Variants in KCND2 observed in about 807,000 individuals in gnomAD.
The protein encoded by KCND2 is A-type voltage-gated potassium channel KCND2.
In KCND2, 16 loss-of-function variants were observed where a neutral mutation model predicts 54.4. The observed-to-expected ratio is 0.29, with a 90% CI of 0.20 to 0.45. The LOEUF is 0.45. Ranked by LOEUF, KCND2 falls within the 20% of genes least tolerant of loss-of-function variation. The probability of loss-of-function intolerance (pLI) is 1.00; values close to 1 mark genes in which losing one functional copy is unlikely to be tolerated. For synonymous variants in KCND2, 317 were observed against 310.7 expected (o/e 1.02, Z -0.21); for missense variants, 486 against 824.2 (o/e 0.59, Z 5.02).
At chr7:120,475,488 A>G (rs958139039) in intron 1 of KCND2, among the ~76,000 whole-genome samples, 1 of 151,998 alleles carries the variant, frequency 6.6e-6, no homozygotes, top group South Asian at 2.1e-4. Flanking sequence ...ACATCAAGGC[A>G]TTTTTTTTAT....
At chr7:120,334,285 A>G (rs1256303050) in intron 1 of KCND2, among the ~76,000 whole-genome samples, 2 of 152,226 alleles carry the variant, frequency 1.3e-5, no homozygotes, top group African/African-American at 2.4e-5. Flanking sequence ...GAGTGATTTT[A>G]CTTATGTACG....
chr7:120,295,891 C>G (rs1799507063), intron 1 of KCND2, among the ~76,000 whole-genome samples: 1 of 151,996 alleles, frequency 6.6e-6, no homozygotes, highest in Non-Finnish European at 1.5e-5. Context: ...ACCCCTCTAT[C>G]TACAGTCTTA....
At chr7:120,701,183 AC>A (rs1481420400) in intron 1 of KCND2, among the ~76,000 whole-genome samples, 1 of 142,758 alleles carries the variant, frequency 7.0e-6, no homozygotes, top group Non-Finnish European at 1.5e-5. Flanking sequence ...CAGAGCTTAG[AC>A]CCATGGTCAT....
At chr7:120,398,065 T>A (rs1801186375) in intron 1 of KCND2, among the ~76,000 whole-genome samples, 1 of 143,522 alleles carries the variant, frequency 7.0e-6, no homozygotes, top group Non-Finnish European at 1.5e-5. Flanking sequence ...CAAATATGTT[T>A]TAGTTAATTA....
intron 1 of KCND2, among the ~76,000 whole-genome samples, chr7:120,612,930 G>C (rs1792974273): frequency 6.6e-6 from 1 of 152,114 alleles, no homozygotes; most frequent in African/African-American, 2.4e-5. Context: ...CATTAATCAT[G>C]CTATAAATTT....
chr7:120,484,734 A>ACACAC (rs1802669027), intron 1 of KCND2, among the ~76,000 whole-genome samples: 2 of 144,970 alleles, frequency 1.4e-5, no homozygotes, highest in Non-Finnish European at 3.1e-5. Context: ...CACACACACA[A>ACACAC]AGAATTTCTT....
chr7:120,440,699 T>G (rs1009677030), intron 1 of KCND2, among the ~76,000 whole-genome samples: 9 of 152,032 alleles, frequency 5.9e-5, no homozygotes, highest in African/African-American at 1.9e-4. Context: ...TTCATTTATC[T>G]GTATGTGGAT....
chr7:120,706,733 TG>T (rs1792473580), intron 1 of KCND2, among the ~76,000 whole-genome samples: 1 of 152,200 alleles, frequency 6.6e-6, no homozygotes, highest in African/African-American at 2.4e-5. Flanking sequence ...GAAGGTTGAA[TG>T]TAGCACAAAT....
At chr7:120,574,721 G>T (rs1174647450) in intron 1 of KCND2, among the ~76,000 whole-genome samples, 1 of 151,970 alleles carries the variant, frequency 6.6e-6, no homozygotes, top group African/African-American at 2.4e-5. Flanking sequence ...TGTGCACCAA[G>T]GTTAAAACTC....
At chr7:120,445,143 C>T (rs1012689053) in intron 1 of KCND2, among the ~76,000 whole-genome samples, 3 of 152,012 alleles carry the variant, frequency 2.0e-5, no homozygotes, top group East Asian at 3.9e-4. Flanking sequence ...TATAAACTCA[C>T]CTTTGAAAAT....
intron 1 of KCND2, among the ~76,000 whole-genome samples, chr7:120,503,385 T>A (rs958234596): frequency 8.2e-5 from 12 of 146,568 alleles, no homozygotes; most frequent in Admixed American, 2.0e-4. Context: ...GTCTCTAGAG[T>A]GAGAGAGAGA....
At chr7:120,604,451 C>T (rs1034308927) in intron 1 of KCND2, among the ~76,000 whole-genome samples, 2 of 150,304 alleles carry the variant, frequency 1.3e-5, no homozygotes, top group African/African-American at 2.4e-5. Context: ...TGTAGTGAGC[C>T]GAGGTCGTAC....
At chr7:120,574,255 G>T (rs1488426236) in intron 1 of KCND2, among the ~76,000 whole-genome samples, 1 of 152,144 alleles carries the variant, frequency 6.6e-6, no homozygotes, top group Non-Finnish European at 1.5e-5. Flanking sequence ...TATTTTGGGT[G>T]TATATTGACC....
At chr7:120,716,107 C>A (rs943387081) in intron 1 of KCND2, among the ~76,000 whole-genome samples, 14 of 152,028 alleles carry the variant, frequency 9.2e-5, no homozygotes, top group African/African-American at 3.4e-4. Flanking sequence ...TTACCTAGTT[C>A]ACTCTTGTGT....
chr7:120,393,405 G>T (rs779018855), intron 1 of KCND2, among the ~76,000 whole-genome samples: 1 of 151,950 alleles, frequency 6.6e-6, no homozygotes, highest in Non-Finnish European at 1.5e-5. Flanking sequence ...CTTAAACTTA[G>T]ATACCTTTGG....
At chr7:120,628,621 CATAA>C (rs1233899497) in intron 1 of KCND2, among the ~76,000 whole-genome samples, 1 of 152,150 alleles carries the variant, frequency 6.6e-6, no homozygotes, top group African/African-American at 2.4e-5. Context: ...ACATATCTGT[CATAA>C]ATAAGAATAC....
intron 1 of KCND2, among the ~76,000 whole-genome samples, chr7:120,696,680 G>T (rs145751359): frequency 6.6e-6 from 1 of 152,152 alleles, no homozygotes; most frequent in Non-Finnish European, 1.5e-5. Context: ...ACTGTCAGAG[G>T]TTCTTGTTAT....
At chr7:120,378,689 G>A (rs1345582078) in intron 1 of KCND2, among the ~76,000 whole-genome samples, 1 of 151,964 alleles carries the variant, frequency 6.6e-6, no homozygotes, top group Non-Finnish European at 1.5e-5. Flanking sequence ...AATCTTTAGG[G>A]ATGATTTCGG....
intron 1 of KCND2, among the ~76,000 whole-genome samples, chr7:120,356,315 G>A (rs1281314431): frequency 2.6e-5 from 4 of 152,094 alleles, no homozygotes; most frequent in Non-Finnish European, 1.5e-5. Context: ...GCTCCCCTAG[G>A]TATGCCTTTA....
Sources: gnomAD v4.1 joint callset for allele counts (sites outside exome capture counted in the v4.1 genomes callset) on GRCh38, gnomAD v4.1.1 for gene constraint, MANE v1.5 for transcripts, NCBI Gene and HGNC (gene_info 2026-07-23, HGNC 2026-07-21) for gene names.